The following ZFR variants were observed in gnomAD, a reference collection of about 807,000 sequenced individuals.
The protein encoded by ZFR is zinc finger RNA binding protein.
Under a neutral mutation model 130.7 loss-of-function variants are expected in ZFR, and 19 were observed. The ratio of observed to expected loss-of-function variants is 0.15; its 90% CI spans 0.10 to 0.21. The LOEUF (loss-of-function observed/expected upper bound fraction) is 0.21, where lower values mean the gene tolerates loss of function less well. Among genes scored for constraint, ZFR ranks in the 10% least tolerant of loss-of-function variants. ZFR has a pLI of 1.00. For missense variants in ZFR, 872 were observed against 1,321.5 expected, an observed-to-expected ratio of 0.66 and a Z score of 5.27; for synonymous variants, 466 against 456.9, an observed-to-expected ratio of 1.02 and a Z score of -0.25.
At chr5:32,374,338 TCTA>T (rs1171885823) in intron 17 of ZFR, among the ~76,000 whole-genome samples, 1 of 151,958 alleles carries the variant, frequency 6.6e-6, no homozygotes. Context: ...AAACTCTGTC[TCTA>T]CTAAAAATAC....
rs866576453 is a variant in ZFR at position 32,385,598 on chromosome 5, T to C, written c.2551A>G (p.Ile851Val). Residue 851 changes from isoleucine to valine, a missense_variant, in exon 15 of 20, where the codon ATA becomes GTA. Around this residue, in one of 7 missense-constraint regions of ZFR, gnomAD observed 225 missense variants for 282.4 expected, o/e 0.80. Transcript: ENST00000265069. ...DIKCAVSEAA[I>V]ILNSCVEPKM... ...GGTTCCACACATGAATTCAAAATTA[T>C]TGCCGCTTCAGATACAGCACATTTT... 48 of 1,613,436 alleles carry C rather than the reference T, an allele frequency of 3.0e-5. No homozygotes were observed. The Middle Eastern group carries it at 5.6e-3, about 189-fold the overall frequency.
chr5:32,399,679 T>C (rs1753399889), intron 9 of ZFR, among the ~76,000 whole-genome samples: 1 of 152,230 alleles, frequency 6.6e-6, no homozygotes, highest in Non-Finnish European at 1.5e-5. Context: ...TTATCAACAT[T>C]TTTGCTGCTC....
intron 2 of ZFR, among the ~76,000 whole-genome samples, chr5:32,429,025 G>T (rs998980582): frequency 7.8e-6 from 1 of 127,398 alleles, no homozygotes; most frequent in Non-Finnish European, 1.5e-5. Context: ...TTGCTCTGTC[G>T]CCCAGGCTGG....
chr5:32,421,780 A>G (rs1240227499), intron 2 of ZFR, among the ~76,000 whole-genome samples: 2 of 152,168 alleles, frequency 1.3e-5, no homozygotes, highest in African/African-American at 4.8e-5. Flanking sequence ...TTCTATCTGG[A>G]TGAGGTTTCC....
intron 11 of ZFR, among the ~76,000 whole-genome samples, chr5:32,391,737 T>A (rs1753182481): frequency 6.6e-6 from 1 of 152,030 alleles, no homozygotes; most frequent in African/African-American, 2.4e-5. Flanking sequence ...AAACTACCAA[T>A]TTCCTCAGGT....
In ZFR at chr5:32,429,135, G is replaced by A. The variant is rs1227725888; in HGVS notation, c.138-9032C>T. 4.6e-5 allele frequency among the ~76,000 whole-genome samples: 7 copies of A among 151,934 alleles called. 1 individual carries two copies. Among genetic ancestry groups the A allele is most frequent in the South Asian group, 4.2e-4 (2 of 4,802 alleles). On this transcript the variant is annotated intron_variant, in intron 2 of 19. Transcript: ENST00000265069. Reference sequence around the variant, plus strand: ...CGAGTAGCTGGGACTACAGGAGCCCGCCACCACGCCCGGCTAATTTTTTTG... The same window carrying A: ...CGAGTAGCTGGGACTACAGGAGCCCACCACCACGCCCGGCTAATTTTTTTG...
intron 2 of ZFR, among the ~76,000 whole-genome samples, chr5:32,431,945 C>T (rs1708098582): frequency 6.6e-6 from 1 of 151,942 alleles, no homozygotes; most frequent in Admixed American, 6.6e-5. Context: ...CCACCTCAGC[C>T]TCCCGAGTAG....
Position 32,419,732 on chromosome 5 carries a change from T to A in ZFR, c.420+89A>T, listed in dbSNP as rs563983542. ...ACATGTGTATTTTGGAAGCCCCAAG[T>A]TTGAGAAGCAATGGCTAGGGCATTA... On this transcript the variant is annotated intron_variant, in intron 3 of 19. Coordinates refer to ENST00000265069, the MANE Select transcript of ZFR (RefSeq NM_016107.5). 10 of 1,484,816 alleles carry A rather than the reference T, an allele frequency of 6.7e-6. No individual in the cohort carries two copies. The Admixed American group carries it at 9.1e-5, about 14-fold the overall frequency. 92.0% of individuals were successfully genotyped at this position (1,484,816 alleles called of 1,614,324 possible).
chr5:32,366,008 T>C (rs1481084743), intron 17 of ZFR, among the ~76,000 whole-genome samples: 2 of 152,178 alleles, frequency 1.3e-5, no homozygotes, highest in East Asian at 1.9e-4. Context: ...GGAATATGCA[T>C]GTGTATGGAA....
chr5:32,400,680 T>C (rs1243752352), intron 8 of ZFR, among the ~76,000 whole-genome samples: 1 of 152,142 alleles, frequency 6.6e-6, no homozygotes, highest in Non-Finnish European at 1.5e-5. Flanking sequence ...CGGGGGAACA[T>C]GGCAAAACCT....
At chr5:32,377,660 C>G (rs1005387308) in intron 17 of ZFR, among the ~76,000 whole-genome samples, 1 of 151,902 alleles carries the variant, frequency 6.6e-6, no homozygotes, top group African/African-American at 2.4e-5. Context: ...AACCATTATG[C>G]AATTAAAGAA....
intron 2 of ZFR, among the ~76,000 whole-genome samples, chr5:32,430,674 GAAA>G (rs1211246878): frequency 6.6e-6 from 1 of 152,008 alleles, no homozygotes; most frequent in Non-Finnish European, 1.5e-5. Context: ...GAAAGATAAA[GAAA>G]AACTCTTATG....
At chr5:32,419,594 T>C (rs928229377) in intron 3 of ZFR, among the ~76,000 whole-genome samples, 3 of 152,152 alleles carry the variant, frequency 2.0e-5, no homozygotes, top group Non-Finnish European at 2.9e-5. Flanking sequence ...CACCTTGGCC[T>C]CTCAAAGTGC....
intron 19 of ZFR, among the ~76,000 whole-genome samples, chr5:32,359,082 A>G (rs966931170): frequency 1.3e-5 from 2 of 151,976 alleles, no homozygotes; most frequent in Non-Finnish European, 2.9e-5. Flanking sequence ...AACTACTTGC[A>G]AGGCTAAGGC....
At chr5:32,359,162 T>A (rs1752376338) in intron 19 of ZFR, among the ~76,000 whole-genome samples, 1 of 152,082 alleles carries the variant, frequency 6.6e-6, no homozygotes, top group Non-Finnish European at 1.5e-5. Flanking sequence ...CCAGCCTGTG[T>A]GACAGTGAAA....
chr5:32,377,782 G>A (rs1752856251), intron 17 of ZFR, among the ~76,000 whole-genome samples: 1 of 151,856 alleles, frequency 6.6e-6, no homozygotes, highest in African/African-American at 2.4e-5. Context: ...CACCTCCCGG[G>A]TTCAAGTGAT....
Position 32,419,811 on chromosome 5 carries a change from G to T in ZFR, c.420+10C>A. On this transcript the variant is annotated intron_variant, in intron 3 of 19. Transcript: ENST00000265069. ...CACATTCAGGCTACCAAAACTAGTA[G>T]TTTTCTTACCTGGTAGTTTTGTGTA... 1 of 1,581,724 alleles carries T rather than the reference G, an allele frequency of 6.3e-7. No homozygotes were observed.
intron 9 of ZFR, among the ~76,000 whole-genome samples, chr5:32,399,001 C>T (rs957842332): frequency 2.6e-5 from 4 of 151,998 alleles, no homozygotes; most frequent in African/African-American, 4.8e-5. Context: ...CTAGGCTAGG[C>T]GCAGTGTCTC....
chr5:32,425,492 A>AT (rs1444430053), intron 2 of ZFR, among the ~76,000 whole-genome samples: 1 of 152,184 alleles, frequency 6.6e-6, no homozygotes, highest in Non-Finnish European at 1.5e-5. Context: ...TTTGAAACTA[A>AT]TTTTTCATAA....
Sources: allele counts gnomAD v4.1 joint callset (sites outside exome capture counted in the v4.1 genomes callset), GRCh38; gene constraint gnomAD v4.1.1; regional missense constraint gnomAD v4.1.1; transcripts MANE v1.5; gene names NCBI Gene and HGNC (gene_info 2026-07-23, HGNC 2026-07-21).